The following MCMDC2 variants were observed in gnomAD, a reference collection of about 807,000 sequenced individuals.
MCMDC2 encodes minichromosome maintenance domain containing 2.
MCMDC2 carries 54 observed loss-of-function variants against 75.8 expected under a neutral mutation model. The ratio of observed to expected loss-of-function variants is 0.71; its 90% CI spans 0.57 to 0.89. The LOEUF is 0.89. MCMDC2 is among the 40% of genes least tolerant of loss of function. The pLI, the probability that MCMDC2 is intolerant of heterozygous loss-of-function variation, is 0.00. For synonymous variants in MCMDC2, 249 were observed against 274.6 expected (o/e 0.91, Z 0.92); for missense variants, 656 against 780.4 (o/e 0.84, Z 1.90).
At position 66,878,527 on chromosome 8, in the gene MCMDC2, A is replaced by G. The variant is rs762319274; in HGVS notation, c.482-47A>G. On this transcript the variant is annotated intron_variant, in intron 5 of 14. Transcript: ENST00000422365. The stretch of plus-strand genomic sequence containing the variant: ...GACAACAACAAAAGAAACAAAATAG[A>G]TAGCTAAATCTGAAAGCAAATGTAT... The G allele has an allele frequency of 2.6e-6, 4 of 1,521,552 alleles. No individual in the cohort carries two copies. The South Asian group carries it at 5.4e-5, about 21-fold the overall frequency. 94.3% of individuals were successfully genotyped at this position (1,521,552 alleles called of 1,614,324 possible).
chr8:66,873,587 T>C (rs868408464), intron 1 of MCMDC2, among the ~76,000 whole-genome samples: 28 of 151,940 alleles, frequency 1.8e-4, no homozygotes, highest in African/African-American at 6.0e-4. Context: ...CATAACAGTC[T>C]TGATAAAAAT....
At chr8:66,875,887 G>A (rs1290345786) in intron 4 of MCMDC2, among the ~76,000 whole-genome samples, 2 of 152,000 alleles carry the variant, frequency 1.3e-5, no homozygotes, top group African/African-American at 4.8e-5. Flanking sequence ...TTCCTTGTAG[G>A]GCTATTTATC....
At chr8:66,913,568 T>C (rs1563391297) in intron 14 of MCMDC2, among the ~76,000 whole-genome samples, 2 of 152,206 alleles carry the variant, frequency 1.3e-5, no homozygotes, top group African/African-American at 2.4e-5. Flanking sequence ...TAAATATTTA[T>C]TGAATGATAA....
At chr8:66,925,270 G>A (rs1813686232), downstream of MCMDC2, among the ~76,000 whole-genome samples, 1 of 152,240 alleles carries the variant, frequency 6.6e-6, no homozygotes, top group African/African-American at 2.4e-5. Flanking sequence ...TGGCTTGTGG[G>A]GAAAGCTCGT....
At chr8:66,911,852 A>C (rs1336964439) in intron 14 of MCMDC2, among the ~76,000 whole-genome samples, 1 of 152,112 alleles carries the variant, frequency 6.6e-6, no homozygotes, top group Admixed American at 6.6e-5. Flanking sequence ...TTCCCTTCAA[A>C]AGATTACTGC....
intron 10 of MCMDC2, among the ~76,000 whole-genome samples, chr8:66,891,696 T>C (rs1007777227): frequency 4.6e-5 from 7 of 152,180 alleles, no homozygotes; most frequent in African/African-American, 1.7e-4. Context: ...CCTGGCAGGC[T>C]GCACTTGGCT....
chr8:66,920,662 A>T lies in MCMDC2; in HGVS notation c.*1493A>T, dbSNP rs879898992. ...AAACACATTCCTATTTTATAAAACT[A>T]GGATCCTTTTACAATTGGAAAGTTT... On this transcript the variant is annotated 3_prime_UTR_variant, in exon 15 of 15. Coordinates refer to ENST00000422365, the MANE Select transcript of MCMDC2 (RefSeq NM_173518.5). The T allele has an allele frequency of 1.3e-4, 19 of 151,924 alleles. No individual in the cohort carries two copies. Among genetic ancestry groups the T allele is most frequent in the African/African-American group, 4.6e-4 (19 of 41,408 alleles). The allele number at this position is 151,924 out of a possible 1,614,324, so 9.4% of individuals were successfully genotyped here. A position where few individuals can be genotyped will look rare whatever the true frequency, so the allele number is the denominator to read the frequency against.
chr8:66,898,097 T>C (rs1323112096), intron 12 of MCMDC2, among the ~76,000 whole-genome samples: 12 of 152,146 alleles, frequency 7.9e-5, no homozygotes, highest in Admixed American at 7.2e-4. Context: ...GTTTTGGTTT[T>C]GGTTTTATTA....
chr8:66,889,488 T>C (rs955984854), intron 9 of MCMDC2, among the ~76,000 whole-genome samples: 1 of 152,050 alleles, frequency 6.6e-6, no homozygotes, highest in African/African-American at 2.4e-5. Context: ...AGCGAGACTC[T>C]GTCTCTTAAG....
At chr8:66,913,078 T>C (rs538519643) in intron 14 of MCMDC2, among the ~76,000 whole-genome samples, 1 of 152,312 alleles carries the variant, frequency 6.6e-6, no homozygotes, top group South Asian at 2.1e-4. Context: ...CATCCCAACC[T>C]TCAACAAACA....
At chr8:66,906,533 CAT>C (rs1433315257) in intron 14 of MCMDC2, among the ~76,000 whole-genome samples, 8 of 152,114 alleles carry the variant, frequency 5.3e-5, no homozygotes, top group Admixed American at 2.0e-4. Context: ...CAAATGTACA[CAT>C]GTGTGTGCCT....
chr8:66,878,564 T>C lies in MCMDC2; in HGVS notation c.482-10T>C. On this transcript the variant is annotated splice_polypyrimidine_tract_variant and intron_variant, in intron 5 of 14. Transcript: ENST00000422365. ...GAAAGCAAATGTATGTTACCACTGTTTTCTTTCAGGATTTCAGTATATAAG... is the reference window on the plus strand; with the variant it reads ...GAAAGCAAATGTATGTTACCACTGTCTTCTTTCAGGATTTCAGTATATAAG... 1 of 1,568,762 alleles carries C rather than the reference T, an allele frequency of 6.4e-7. No homozygotes were observed.
downstream of MCMDC2, among the ~76,000 whole-genome samples, chr8:66,925,081 CAA>C (rs566663047): frequency 2.9e-4 from 44 of 152,330 alleles, 1 homozygote; most frequent in South Asian, 7.7e-3. Context: ...GCTGGGGACA[CAA>C]GAGAGATCTG....
chr8:66,873,502 A>G (rs1383851965), intron 1 of MCMDC2, among the ~76,000 whole-genome samples: 1 of 152,200 alleles, frequency 6.6e-6, no homozygotes, highest in Non-Finnish European at 1.5e-5. Flanking sequence ...TATTTCAACA[A>G]ACATTTTTGG....
intron 12 of MCMDC2, among the ~76,000 whole-genome samples, chr8:66,899,729 C>T (rs896077670): frequency 6.6e-6 from 1 of 151,818 alleles, no homozygotes; most frequent in Non-Finnish European, 1.5e-5. Context: ...ATCTCTTGAC[C>T]TCGTGATCTA....
rs552028674 is a variant in MCMDC2, at chr8:66,917,790, C to T, written c.1880-1213C>T. Among the ~76,000 whole-genome samples the T allele has an allele frequency of 8.5e-5, 13 of 152,238 alleles. No homozygotes were observed. The South Asian group carries it at 2.7e-3, about 32-fold the overall frequency. ...CCTTTTGTATGTAAATAGAATGTTT[C>T]GTTTATCCATTCACCTGTCAATGGA... On this transcript the variant is annotated intron_variant, in intron 14 of 14. Coordinates refer to ENST00000422365, the MANE Select transcript of MCMDC2 (RefSeq NM_173518.5).
In MCMDC2 at chr8:66,880,906, C is replaced by A. The variant is rs1811527715; in HGVS notation, c.767C>A (p.Thr256Asn). Reference protein sequence around the residue: ...GNEYKIIGIPTCVKTSQTAVC... With the variant: ...GNEYKIIGIPNCVKTSQTAVC... ...GAATATAAAATTATTGGAATTCCAA[C>A]CTGTGTAAAAACCTCACAAACTGCT... The change falls in exon 8 of 15, where the codon ACC becomes AAC. Residue 256 changes from threonine to asparagine, a missense_variant. Coordinates refer to ENST00000422365, the MANE Select transcript of MCMDC2 (RefSeq NM_173518.5). 1 of 1,566,822 alleles carries A rather than the reference C, an allele frequency of 6.4e-7. No individual in the cohort carries two copies. Among genetic ancestry groups the A allele is most frequent in the Non-Finnish European group, 8.6e-7 (1 of 1,156,930 alleles).
intron 8 of MCMDC2, 103 bp from the exon 9 acceptor site, chr8:66,883,654 G>T: frequency 1.5e-6 from 1 of 662,820 alleles, no homozygotes; most frequent in Non-Finnish European, 2.6e-6. Context: ...TGGTATTATT[G>T]GAACTATAAT....
chr8:66,873,857 A>C (rs1811141882), intron 1 of MCMDC2, among the ~76,000 whole-genome samples, 196 bp from the exon 2 acceptor site: 1 of 152,096 alleles, frequency 6.6e-6, no homozygotes, highest in African/African-American at 2.4e-5. Flanking sequence ...ACTGCACTCC[A>C]GCCTGGGCAA....
Sources: gnomAD v4.1 joint callset for allele counts (sites outside exome capture counted in the v4.1 genomes callset) on GRCh38, gnomAD v4.1.1 for gene constraint, MANE v1.5 for transcripts, NCBI Gene and HGNC (gene_info 2026-07-23, HGNC 2026-07-21) for gene names.